The following DMD variants were observed in gnomAD, a reference collection of about 807,000 sequenced individuals.
The protein encoded by DMD is dystrophin.
In DMD, 63 loss-of-function variants were observed where a neutral mutation model predicts 330.1. The observed-to-expected ratio is 0.19, with a 90% CI of 0.16 to 0.24. The LOEUF (loss-of-function observed/expected upper bound fraction) is 0.24, where lower values mean the gene tolerates loss of function less well. Ranked by LOEUF, DMD falls within the 10% of genes least tolerant of loss-of-function variation. The pLI is 1.00. For missense variants in DMD, 3,344 were observed against 2,684.1 expected (o/e 1.25, Z -5.43); for synonymous variants, 1,223 against 959.8 (o/e 1.27, Z -5.07).
intron 2 of DMD, among the ~76,000 whole-genome samples, chrX:33,003,616 G>GT (rs1362437659): frequency 1.2e-5 from 1 of 83,384 alleles, no homozygotes; most frequent in Non-Finnish European, 2.1e-5. Context: ...CTTTTTGTCC[G>GT]TTTTTTTAAT....
intron 7 of DMD, among the ~76,000 whole-genome samples, chrX:32,801,886 GTA>G (rs1417958542): frequency 8.9e-6 from 1 of 111,747 alleles, no homozygotes. Context: ...TCTGGTACCA[GTA>G]TCATGCTGTT....
chrX:31,464,144 T>C (rs185593065), intron 59 of DMD, among the ~76,000 whole-genome samples: 1 of 111,702 alleles, frequency 9.0e-6, no homozygotes, highest in Non-Finnish European at 1.9e-5. Context: ...AAGGATGGTA[T>C]TATTTGGAGA....
At chrX:31,179,845 T>G (rs1228865611) in intron 69 of DMD, among the ~76,000 whole-genome samples, 1 of 112,266 alleles carries the variant, frequency 8.9e-6, no homozygotes, top group East Asian at 2.8e-4. Flanking sequence ...ATAGAGGGGA[T>G]AAAAATCATA....
At chrX:32,390,798 G>A (rs2097996571) in intron 30 of DMD, among the ~76,000 whole-genome samples, 1 of 111,357 alleles carries the variant, frequency 9.0e-6, no homozygotes, top group Admixed American at 9.6e-5. Context: ...GTGATTATAG[G>A]CGTGAGCCAC....
At chrX:31,468,570 G>T (rs186559400) in intron 59 of DMD, among the ~76,000 whole-genome samples, 1,416 of 111,477 alleles carry the variant, frequency 0.013, 26 homozygotes, top group African/African-American at 0.039. Flanking sequence ...GCTGAGGAGT[G>T]TTTTACTTCC....
intron 16 of DMD, among the ~76,000 whole-genome samples, chrX:32,548,592 C>T (rs973651850): frequency 9.0e-6 from 1 of 111,441 alleles, no homozygotes; most frequent in African/African-American, 3.3e-5. Flanking sequence ...ATTGAGTAAA[C>T]AATGCTAGAC....
intron 7 of DMD, among the ~76,000 whole-genome samples, chrX:32,702,706 G>A (rs968800830): frequency 9.0e-6 from 1 of 111,292 alleles, no homozygotes; most frequent in Non-Finnish European, 1.9e-5. Flanking sequence ...GATATAAAGT[G>A]TTCAAGATCT....
At chrX:31,152,983 T>C (rs2037630098) in intron 74 of DMD, among the ~76,000 whole-genome samples, 1 of 112,582 alleles carries the variant, frequency 8.9e-6, no homozygotes, top group South Asian at 3.7e-4. Context: ...ATTATTCTCA[T>C]GTGTGTGTAC....
At chrX:32,991,062 A>T (rs921899599) in intron 2 of DMD, among the ~76,000 whole-genome samples, 1 of 111,481 alleles carries the variant, frequency 9.0e-6, no homozygotes, top group Non-Finnish European at 1.9e-5. Context: ...CATTTTTTCC[A>T]ATTATAATAA....
intron 17 of DMD, among the ~76,000 whole-genome samples, 183 bp from the exon 18 acceptor site, chrX:32,518,314 G>T (rs2046068362): frequency 9.0e-6 from 1 of 110,766 alleles, no homozygotes; most frequent in African/African-American, 3.3e-5. Context: ...AGTCAGCTTT[G>T]ATCTAGAGTC....
chrX:31,686,286 CTCTTTA>C (rs768700551), intron 52 of DMD, among the ~76,000 whole-genome samples: 3 of 112,534 alleles, frequency 2.7e-5, no homozygotes, highest in Admixed American at 9.4e-5. Flanking sequence ...TCCCCACTTT[CTCTTTA>C]TAATGATATA....
intron 33 of DMD, among the ~76,000 whole-genome samples, chrX:32,381,238 C>T (rs893593567): frequency 2.7e-5 from 3 of 111,526 alleles, no homozygotes; most frequent in Non-Finnish European, 3.8e-5. Context: ...GAATAGGTCA[C>T]TTCCTCCTTA....
intron 27 of DMD, among the ~76,000 whole-genome samples, chrX:32,445,087 A>C (rs966228336): frequency 6.9e-4 from 77 of 111,745 alleles, no homozygotes; most frequent in Non-Finnish European, 1.3e-3. Flanking sequence ...ATTCAAGAGC[A>C]GTTTGTGTAA....
chrX:32,059,240 T>TA (rs976971501), intron 44 of DMD, among the ~76,000 whole-genome samples: 3 of 111,317 alleles, frequency 2.7e-5, no homozygotes, highest in Admixed American at 9.6e-5. Flanking sequence ...TGGATTTCAT[T>TA]AAAAAAATAA....
At chrX:31,733,746 GCAT>G (rs773132379) in intron 51 of DMD, among the ~76,000 whole-genome samples, 11 of 111,731 alleles carry the variant, frequency 9.8e-5, no homozygotes, top group African/African-American at 3.6e-4. Context: ...ATCTCACTGA[GCAT>G]CTTCTTCTGG....
chrX:32,044,812 T>C (rs1040137392), intron 44 of DMD, among the ~76,000 whole-genome samples: 6 of 112,336 alleles, frequency 5.3e-5, no homozygotes, highest in Middle Eastern at 4.6e-3. Context: ...TATTATTTAA[T>C]CTTCTTGTGT....
rs181217702 is a variant in DMD, at chrX:33,165,123, C to T, written c.31+46159G>A. 3.6e-5 allele frequency among the ~76,000 whole-genome samples: 4 copies of T among 110,790 alleles called. No individual in the cohort carries two copies. The East Asian group carries it at 1.1e-3, about 31-fold the overall frequency. ...CAGTTTTCTACCTCAGCCTAATAAACTCACTGACTCTAATAACGAATTTGA... is the reference window on the plus strand; with the variant it reads ...CAGTTTTCTACCTCAGCCTAATAAATTCACTGACTCTAATAACGAATTTGA... On this transcript the variant is annotated intron_variant, in intron 1 of 78. Coordinates refer to ENST00000357033, the MANE Select transcript of DMD (RefSeq NM_004006.3).
intron 1 of DMD, among the ~76,000 whole-genome samples, chrX:33,125,011 C>T (rs1322436907): frequency 1.6e-5 from 1 of 64,237 alleles, no homozygotes; most frequent in African/African-American, 6.8e-5. Context: ...GCAACAAGAG[C>T]GAAAGTCCAT....
intron 48 of DMD, among the ~76,000 whole-genome samples, chrX:31,871,069 A>T (rs1026566230): frequency 1.8e-5 from 2 of 111,817 alleles, no homozygotes; most frequent in Admixed American, 1.9e-4. Flanking sequence ...GCATTCAATT[A>T]TCATTTCTGA....
Sources: gnomAD v4.1 joint callset for allele counts (sites outside exome capture counted in the v4.1 genomes callset) on GRCh38, gnomAD v4.1.1 for gene constraint, MANE v1.5 for transcripts, NCBI Gene and HGNC (gene_info 2026-07-23, HGNC 2026-07-21) for gene names.